Variants in ASPA observed in about 807,000 individuals in gnomAD.
ASPA encodes the protein ACY-2.
Under a neutral mutation model 29.6 loss-of-function variants are expected in ASPA, and 25 were observed. The ratio of observed to expected loss-of-function variants is 0.85; its 90% CI spans 0.62 to 1.18. The LOEUF (loss-of-function observed/expected upper bound fraction) is 1.18. Ranked by LOEUF, ASPA falls within the 50% of genes most tolerant of loss-of-function variation. ASPA has a pLI of 0.00. For missense variants in ASPA, 333 were observed against 385.7 expected, an observed-to-expected ratio of 0.86 and a Z score of 1.14; for synonymous variants, 131 against 130.3, an observed-to-expected ratio of 1.01 and a Z score of -0.04.
At chr17:3,482,481 A>C (rs552642052) in intron 2 of ASPA, among the ~76,000 whole-genome samples, 2 of 152,306 alleles carry the variant, frequency 1.3e-5, no homozygotes, top group East Asian at 3.9e-4. Context: ...GAGAGCAAGG[A>C]TGATTGAGAG....
chr17:3,487,935 A>C, intron 3 of ASPA, among the ~76,000 whole-genome samples: 1 of 152,252 alleles, frequency 6.6e-6, no homozygotes. Context: ...ATTTATGCAC[A>C]GATGCATACC....
At chr17:3,492,852 A>G (rs2073847977) in intron 4 of ASPA, among the ~76,000 whole-genome samples, 1 of 152,220 alleles carries the variant, frequency 6.6e-6, no homozygotes, top group African/African-American at 2.4e-5. Context: ...AACAATAAAA[A>G]AAATCCACAA....
chr17:3,476,461 G>T (rs2073525039), intron 1 of ASPA, 66 bp downstream of exon 1: 3 of 1,409,932 alleles, frequency 2.1e-6, no homozygotes, highest in African/African-American at 2.8e-5. Flanking sequence ...GTGTGAAAGA[G>T]AACACATATA....
rs2073804127 is a variant in ASPA, at chr17:3,490,392, G to C, written c.634+1050G>C. 6.6e-6 allele frequency among the ~76,000 whole-genome samples: 1 copy of C among 152,160 alleles called. No individual in the cohort carries two copies. Among genetic ancestry groups the C allele is most frequent in the South Asian group, 2.1e-4 (1 of 4,828 alleles). On this transcript the variant is annotated intron_variant, in intron 4 of 5. Transcript: ENST00000263080. This position sits in a 1 kb window ranked among gnomAD's most constrained non-coding sequence, Gnocchi z 4.6. Reference sequence around the variant, plus strand: ...AAAGTTTACTTTAAAATGGAAAATAGTTGCTTAAAATCAAAGAGACATTCT... The same window carrying C: ...AAAGTTTACTTTAAAATGGAAAATACTTGCTTAAAATCAAAGAGACATTCT...
chr17:3,495,237 G>A (rs972840097), intron 5 of ASPA, among the ~76,000 whole-genome samples: 4 of 152,184 alleles, frequency 2.6e-5, no homozygotes, highest in Admixed American at 1.3e-4. Flanking sequence ...AGAGATGGAA[G>A]AGAACTGGTG....
intron 2 of ASPA, among the ~76,000 whole-genome samples, chr17:3,482,857 G>C (rs552710255): frequency 6.7e-6 from 1 of 150,218 alleles, no homozygotes; most frequent in Non-Finnish European, 1.5e-5. Context: ...TGTTACATAT[G>C]TATACATGTG....
chr17:3,490,886 C>T lies in ASPA; in HGVS notation c.634+1544C>T, dbSNP rs914475475. On this transcript the variant is annotated intron_variant, in intron 4 of 5. Coordinates refer to ENST00000263080, the MANE Select transcript of ASPA (RefSeq NM_000049.4). The surrounding 1 kb of genome is among the most constrained non-coding windows in gnomAD (Gnocchi z 4.6). The stretch of plus-strand genomic sequence containing the variant: ...CCTTAACCCCTTATCTCTGCTTCAA[C>T]CAGAGCTCTTCTGTGTAACATTTCA... Among the ~76,000 whole-genome samples the T allele has an allele frequency of 1.3e-5, 2 of 152,180 alleles. No individual in the cohort carries two copies. The highest frequency in any genetic ancestry group is 1.5e-5 in the Non-Finnish European group (1 of 68,022).
intron 1 of ASPA, among the ~76,000 whole-genome samples, chr17:3,476,697 A>G (rs778947153): frequency 6.6e-6 from 1 of 152,216 alleles, no homozygotes; most frequent in Non-Finnish European, 1.5e-5. Flanking sequence ...TCATACCTTT[A>G]AAGAAACAGA....
intron 4 of ASPA, 51 bp from the exon 5 acceptor site, chr17:3,494,299 C>T (rs773348103): frequency 1.3e-5 from 19 of 1,412,806 alleles, no homozygotes; most frequent in Middle Eastern, 3.5e-4. Context: ...CCACCACACC[C>T]GGCCCAGAGA....
intron 4 of ASPA, among the ~76,000 whole-genome samples, chr17:3,493,626 G>A (rs1048920882): frequency 1.3e-5 from 2 of 151,124 alleles, no homozygotes; most frequent in Non-Finnish European, 2.9e-5. Context: ...TCAGTTGCTG[G>A]AACTCCTCCT....
rs1394163388 is a variant in ASPA at position 3,502,134 on chromosome 17, A to AAGT, written c.*3046_*3047insAGT. On this transcript the variant is annotated 3_prime_UTR_variant, in exon 6 of 6. Coordinates refer to ENST00000263080, the MANE Select transcript of ASPA (RefSeq NM_000049.4). The stretch of plus-strand genomic sequence containing the variant: ...CAGTGCCCAACCACCCTGATCAGGC[A>AAGT]GCCATCATCAAGGCAAGGCCCTCCA... 16 of 152,296 alleles carry AAGT rather than the reference A, an allele frequency of 1.1e-4. No individual in the cohort carries two copies. The highest frequency in any genetic ancestry group is 1.5e-5 in the Non-Finnish European group (1 of 68,048). 9.4% of individuals were successfully genotyped at this position (152,296 alleles called of 1,614,324 possible).
chr17:3,480,706 G>A (rs1048621084), intron 1 of ASPA, among the ~76,000 whole-genome samples: 8 of 152,304 alleles, frequency 5.3e-5, no homozygotes, highest in African/African-American at 1.9e-4. Flanking sequence ...AGGCAGTCTA[G>A]TCCCCAGGTA....
rs2073811715 is a variant in ASPA at position 3,490,817 on chromosome 17, C to G, written c.634+1475C>G. ...GTTTTCAGATCATAGTCCATAGAAT[C>G]CTATCACAACGGTGGAGAAAAGCAG... is the stretch of plus-strand genomic sequence containing the variant. On this transcript the variant is annotated intron_variant, in intron 4 of 5. Coordinates refer to ENST00000263080, the MANE Select transcript of ASPA (RefSeq NM_000049.4). This position sits in a 1 kb window ranked among gnomAD's most constrained non-coding sequence, Gnocchi z 4.6. Among the ~76,000 whole-genome samples, 1 of 152,120 alleles carries G rather than the reference C, an allele frequency of 6.6e-6. No individual in the cohort carries two copies. Among genetic ancestry groups the G allele is most frequent in the Non-Finnish European group, 1.5e-5 (1 of 68,014 alleles).
intron 1 of ASPA, among the ~76,000 whole-genome samples, chr17:3,477,743 C>T (rs562267301): frequency 2.0e-5 from 3 of 152,084 alleles, no homozygotes; most frequent in African/African-American, 4.8e-5. Context: ...CATGAGCCAC[C>T]GCGCTGGGCC....
At chr17:3,492,009 T>C (rs2073834745) in intron 4 of ASPA, among the ~76,000 whole-genome samples, 1 of 151,576 alleles carries the variant, frequency 6.6e-6, no homozygotes, top group African/African-American at 2.4e-5. Flanking sequence ...CCTGAGTTGC[T>C]GGGACTACAG....
chr17:3,498,637 T>C (rs1456808018), intron 5 of ASPA, among the ~76,000 whole-genome samples: 2 of 152,186 alleles, frequency 1.3e-5, no homozygotes, highest in African/African-American at 4.8e-5. Context: ...AAGGAGCCAC[T>C]GCACCTGGCT....
At chr17:3,492,894 A>G (rs1449972125) in intron 4 of ASPA, among the ~76,000 whole-genome samples, 1 of 152,214 alleles carries the variant, frequency 6.6e-6, no homozygotes, top group African/African-American at 2.4e-5. Flanking sequence ...CTTTCCAACC[A>G]ACCCACAGAA....
Position 3,485,247 on chromosome 17 carries a change from C to T in ASPA, c.526+1655C>T, listed in dbSNP as rs556508669. 6.6e-6 allele frequency among the ~76,000 whole-genome samples: 1 copy of T among 152,200 alleles called. No individual in the cohort carries two copies. Among genetic ancestry groups the T allele is most frequent in the East Asian group, 1.9e-4 (1 of 5,174 alleles). ...TCAGGTCTCAAACTCCTGATTCAAG[C>T]GATCCTCCCACCTTGGCCTCCCAAA... On this transcript the variant is annotated intron_variant, in intron 3 of 5. Transcript: ENST00000263080. This position sits in a 1 kb window ranked among gnomAD's most constrained non-coding sequence, Gnocchi z 4.4.
chr17:3,494,542 G>A (rs912948680), intron 5 of ASPA, 83 bp downstream of exon 5: 23 of 1,136,272 alleles, frequency 2.0e-5, no homozygotes, highest in African/African-American at 1.2e-4. Context: ...ACAGCACTTC[G>A]CGTACATTCG....
Sources: gnomAD v4.1 joint callset for allele counts (sites outside exome capture counted in the v4.1 genomes callset) on GRCh38, gnomAD v4.1.1 for gene constraint, Gnocchi (gnomAD v3.1) non-coding constraint, MANE v1.5 for transcripts, NCBI Gene and HGNC (gene_info 2026-07-23, HGNC 2026-07-21) for gene names.